CCDC149: variants seen among roughly 807,000 people sequenced by gnomAD.
CCDC149 encodes coiled-coil domain-containing protein 149.
In CCDC149, 45 loss-of-function variants were observed where a neutral mutation model predicts 59.9. That is an observed-to-expected ratio of 0.75 (90% CI 0.59 to 0.96). CCDC149 has a LOEUF of 0.96. CCDC149 is among the 40% of genes least tolerant of loss of function. The probability of loss-of-function intolerance (pLI) is 0.00; values close to 1 mark genes in which losing one functional copy is unlikely to be tolerated. For missense variants in CCDC149, 584 were observed against 664.7 expected (o/e 0.88, Z 1.33); for synonymous variants, 245 against 260.6 (o/e 0.94, Z 0.58).
At chr4:24,804,678 G>A (rs1354633168), downstream of CCDC149, among the ~76,000 whole-genome samples, 1 of 152,118 alleles carries the variant, frequency 6.6e-6, no homozygotes, top group Non-Finnish European at 1.5e-5. Context: ...ATTCCTTAAA[G>A]AGGAGACAGA....
chr4:24,972,634 AGAGGCCTGGG>A (rs1288615641), intron 1 of CCDC149, among the ~76,000 whole-genome samples: 1 of 152,086 alleles, frequency 6.6e-6, no homozygotes, highest in African/African-American at 2.4e-5. Flanking sequence ...CAAATTCCTA[AGAGGCCTGGG>A]GAGTCACACA....
At chr4:24,878,124 G>A (rs141473115) in intron 1 of CCDC149, among the ~76,000 whole-genome samples, 2,935 of 149,638 alleles carry the variant, frequency 0.02, 86 homozygotes, top group South Asian at 0.074. Context: ...CTCATATATA[G>A]TGCTTGCTAG....
chr4:24,944,141 G>T (rs1723035203), intron 1 of CCDC149, among the ~76,000 whole-genome samples: 1 of 152,130 alleles, frequency 6.6e-6, no homozygotes, highest in African/African-American at 2.4e-5. Context: ...CAAAGACTTG[G>T]AACCAACCCA....
At chr4:24,843,657 C>A (rs1209013301) in intron 4 of CCDC149, among the ~76,000 whole-genome samples, 23 of 152,178 alleles carry the variant, frequency 1.5e-4, no homozygotes, top group Admixed American at 1.4e-3. Context: ...CATCCTCCTA[C>A]CCTGGAGATC....
chr4:24,870,236 T>C (rs1326343626), intron 3 of CCDC149, among the ~76,000 whole-genome samples: 2 of 152,222 alleles, frequency 1.3e-5, no homozygotes, highest in Non-Finnish European at 2.9e-5. Context: ...TTTTCTACAT[T>C]CCTATCTGAA....
intron 1 of CCDC149, among the ~76,000 whole-genome samples, chr4:24,954,760 G>A (rs1034540907): frequency 6.6e-6 from 1 of 152,174 alleles, no homozygotes; most frequent in African/African-American, 2.4e-5. Context: ...TGGCAGCACT[G>A]AAGAGCTCCA....
intron 1 of CCDC149, among the ~76,000 whole-genome samples, chr4:24,903,607 T>C (rs1721305380): frequency 6.6e-6 from 1 of 152,188 alleles, no homozygotes; most frequent in Non-Finnish European, 1.5e-5. Context: ...GGAGAAAATT[T>C]CATCCCTTTT....
At chr4:24,820,064 G>A (rs1233104248) in intron 11 of CCDC149, 89 bp from the exon 12 acceptor site, 9 of 898,218 alleles carry the variant, frequency 1.0e-5, no homozygotes, top group Middle Eastern at 2.4e-4. Context: ...GCACAGGGCT[G>A]GCTACCCACA....
chr4:24,853,128 C>T lies in CCDC149; in HGVS notation c.316G>A (p.Gly106Arg), dbSNP rs1185089778. The stretch of plus-strand genomic sequence containing the variant: ...TGCTGAAGTTCTTTAATTTCTTCTC[C>T]CAGATGTTTATTTCGGTCCTGAGAA... Residue 106 changes from glycine to arginine, a missense_variant, in exon 4 of 13, where the codon GGA (glycine) becomes AGA (arginine). Transcript: ENST00000635206. 6.2e-7 allele frequency: 1 copy of T among 1,613,888 alleles called. No homozygotes were observed. Among genetic ancestry groups the T allele is most frequent in the Non-Finnish European group, 8.5e-7 (1 of 1,179,838 alleles).
intron 1 of CCDC149, among the ~76,000 whole-genome samples, chr4:24,951,894 C>T (rs950817043): frequency 2.0e-5 from 3 of 152,160 alleles, no homozygotes; most frequent in Admixed American, 6.5e-5. Context: ...TCTGAAACTC[C>T]GCAGAGGTAA....
intron 3 of CCDC149, among the ~76,000 whole-genome samples, chr4:24,871,870 T>C (rs1257583612): frequency 2.6e-5 from 4 of 152,248 alleles, no homozygotes; most frequent in African/African-American, 9.6e-5. Flanking sequence ...AAATTTTTTT[T>C]ATTATAAAGC....
At position 24,873,688 on chromosome 4, in the gene CCDC149, CT is replaced by C; in HGVS notation, c.256del (p.Arg86GlyfsTer10). 1 of 1,608,986 alleles carries C rather than the reference CT, an allele frequency of 6.2e-7. No individual in the cohort carries two copies. On this transcript the variant is annotated frameshift_variant, in exon 3 of 13. Transcript: ENST00000635206. LOFTEE classifies it high-confidence loss of function. ...ATCAGAAATAAGTCTTACCTGTTTC[CT>C]TTTTTCAGGAGGAAGTGATGGATCT...
chr4:24,893,531 A>C (rs1720647661), intron 1 of CCDC149, among the ~76,000 whole-genome samples: 1 of 151,658 alleles, frequency 6.6e-6, no homozygotes, highest in Admixed American at 6.6e-5. Context: ...CACAAAAGTA[A>C]GTAAGCAGTA....
chr4:24,898,411 T>C (rs928888260), intron 1 of CCDC149, among the ~76,000 whole-genome samples: 1 of 152,058 alleles, frequency 6.6e-6, no homozygotes, highest in African/African-American at 2.4e-5. Flanking sequence ...ACAAAACCCA[T>C]TGCAACTTGA....
intron 4 of CCDC149, among the ~76,000 whole-genome samples, chr4:24,840,508 C>T (rs1194142574): frequency 2.0e-5 from 3 of 152,172 alleles, no homozygotes; most frequent in Non-Finnish European, 4.4e-5. Flanking sequence ...CCGACACACA[C>T]GTTCCCACGG....
rs559426715 is a variant in CCDC149 at position 24,919,469 on chromosome 4, T to C, written c.-64-24351A>G. ...GGTTAAAATGGTAAATTTCATGTTA[T>C]GTATATTTTACTGTTAAACAACAAT... On this transcript the variant is annotated intron_variant, in intron 1 of 12. Transcript: ENST00000389609. Among the ~76,000 whole-genome samples, 85 of 152,374 alleles carry C rather than the reference T, an allele frequency of 5.6e-4. No individual in the cohort carries two copies. The South Asian group carries it at 0.011, about 19-fold the overall frequency.
At chr4:24,970,030 A>C (rs529075578) in intron 1 of CCDC149, among the ~76,000 whole-genome samples, 93 of 152,330 alleles carry the variant, frequency 6.1e-4, no homozygotes, top group African/African-American at 2.2e-3. Flanking sequence ...TACAGGACTC[A>C]AAGGAACCGT....
upstream of CCDC149, among the ~76,000 whole-genome samples, chr4:24,915,197 A>G (rs1448490372): frequency 6.6e-6 from 1 of 152,270 alleles, no homozygotes; most frequent in African/African-American, 2.4e-5. Flanking sequence ...CTTGTTCCTA[A>G]GCCTGACGTC....
At chr4:24,913,948 C>T (rs1722040292), upstream of CCDC149, among the ~76,000 whole-genome samples, 1 of 152,346 alleles carries the variant, frequency 6.6e-6, no homozygotes, top group South Asian at 2.1e-4. Context: ...TCTTGGACCA[C>T]TATCAATAGT....
Sources: gnomAD v4.1 joint callset for allele counts (sites outside exome capture counted in the v4.1 genomes callset) on GRCh38, gnomAD v4.1.1 for gene constraint, MANE v1.5 for transcripts, NCBI Gene and HGNC (gene_info 2026-07-23, HGNC 2026-07-21) for gene names.